The following STON2 variants were observed in gnomAD, a reference collection of about 807,000 sequenced individuals.
STON2 encodes stonin-2.
In STON2, 29 loss-of-function variants were observed where a neutral mutation model predicts 65.7. The ratio of observed to expected loss-of-function variants is 0.44; its 90% CI spans 0.33 to 0.60. STON2 has a LOEUF of 0.60. Among genes scored for constraint, STON2 ranks in the 20% least tolerant of loss-of-function variants. The pLI, the probability that STON2 is intolerant of heterozygous loss-of-function variation, is 0.03. For synonymous variants in STON2, 404 were observed against 414.2 expected, an observed-to-expected ratio of 0.98 and a Z score of 0.30; for missense variants, 1,054 against 1,118.1, an observed-to-expected ratio of 0.94 and a Z score of 0.82.
chr14:81,325,275 T>C (rs1269817549), intron 4 of STON2, among the ~76,000 whole-genome samples: 2 of 152,328 alleles, frequency 1.3e-5, no homozygotes, highest in East Asian at 1.9e-4. Context: ...GAAAATGTAC[T>C]ATATAGGTTT....
intron 4 of STON2, among the ~76,000 whole-genome samples, chr14:81,369,177 G>C (rs532392127): frequency 6.6e-6 from 1 of 152,184 alleles, no homozygotes; most frequent in Admixed American, 6.5e-5. Flanking sequence ...TTCTCTGTAG[G>C]TGGTCCCTTC....
rs746087048 is a variant in STON2, at chr14:81,277,099, A to T, written c.2383T>A (p.Trp795Arg). 6.2e-7 allele frequency: 1 copy of T among 1,613,952 alleles called. No homozygotes were observed. ...VMIRYPVPSEWVKNFRRESVL... is the reference protein window; with the variant it reads ...VMIRYPVPSERVKNFRRESVL... ...CTTTCCCTGCGGAAGTTTTTCACCC[A>T]CTCACTGGGCACAGGGTAACGGATC... Residue 795 changes from tryptophan to arginine, a missense_variant, in exon 6 of 8, where the codon TGG becomes AGG. Physicochemically the swap from Trp to Arg is moderately radical, Grantham distance 101. Coordinates refer to ENST00000614646, the MANE Select transcript of STON2 (RefSeq NM_001394390.1).
At chr14:81,336,893 G>A (rs1239916987) in intron 4 of STON2, among the ~76,000 whole-genome samples, 15 of 152,174 alleles carry the variant, frequency 9.9e-5, no homozygotes. Context: ...TCAGCAGGAG[G>A]AGGGATGAGG....
upstream of STON2, among the ~76,000 whole-genome samples, chr14:81,401,085 G>C (rs1391863044): frequency 6.6e-6 from 1 of 152,196 alleles, no homozygotes; most frequent in Admixed American, 6.5e-5. Flanking sequence ...TGCGTAACTT[G>C]TTCGTAGAAG....
intron 4 of STON2, among the ~76,000 whole-genome samples, chr14:81,354,485 C>T (rs1214646611): frequency 6.6e-6 from 1 of 152,100 alleles, no homozygotes; most frequent in Non-Finnish European, 1.5e-5. Context: ...ATCATGACAC[C>T]TCCAAAAGAA....
chr14:81,424,753 A>G (rs1901883827), intron 2 of STON2, among the ~76,000 whole-genome samples: 1 of 152,180 alleles, frequency 6.6e-6, no homozygotes, highest in South Asian at 2.1e-4. Flanking sequence ...GTTTTTTCCA[A>G]GTTGATAGAA....
intron 1 of STON2, among the ~76,000 whole-genome samples, chr14:81,432,492 T>G (rs921330130): frequency 1.3e-5 from 2 of 152,162 alleles, no homozygotes; most frequent in Admixed American, 1.3e-4. Flanking sequence ...TCTGACTATA[T>G]GAAAATTCAG....
rs201851526 is a variant in STON2 at position 81,329,471 on chromosome 14, A to G, written c.572-5284T>C. On this transcript the variant is annotated intron_variant, in intron 4 of 7. Transcript: ENST00000614646. ...CTCTGTCTCAAAAAAAAAAAAAAAA[A>G]AGAGAGAGACAAAGATACAGGGGAA... Among the ~76,000 whole-genome samples the G allele has an allele frequency of 6.7e-4, 98 of 146,278 alleles. 1 individual carries two copies. Among genetic ancestry groups the G allele is most frequent in the East Asian group, 4.5e-3 (23 of 5,098 alleles).
At position 81,413,122 on chromosome 14, in the gene STON2, T is replaced by C. The variant is rs1240216814; in HGVS notation, c.-199+13980A>G. The C allele has an allele frequency of 7.2e-6, 9 of 1,254,918 alleles. 3 individuals carry two copies. In the African/African-American group the frequency reaches 1.6e-4, roughly 23 times the overall value. The allele number at this position is 1,254,918 out of a possible 1,614,324, so 77.7% of individuals were successfully genotyped here. ...AGAAGGAATGTGACAAGAAGTACAA[T>C]CCCACCTGACACTGCATCGTGGGGA... On this transcript the variant is annotated intron_variant, in intron 2 of 8. Coordinates refer to the STON2 transcript ENST00000553821.
intron 2 of STON2, among the ~76,000 whole-genome samples, chr14:81,411,079 T>C (rs919880999): frequency 2.6e-5 from 4 of 152,194 alleles, no homozygotes; most frequent in African/African-American, 9.6e-5. Flanking sequence ...TTCAGAGACA[T>C]GGGGCAAGGC....
intron 3 of STON2, 90 bp from the exon 4 acceptor site, chr14:81,371,275 A>T: frequency 1.7e-6 from 2 of 1,190,916 alleles, no homozygotes; most frequent in South Asian, 1.4e-5. Context: ...TGTTGCTCAC[A>T]TCATATGAAA....
At position 81,363,626 on chromosome 14, in the gene STON2, C is replaced by A. The variant is rs1186274647; in HGVS notation, c.571+7362G>T. 6.8e-5 allele frequency among the ~76,000 whole-genome samples: 10 copies of A among 147,372 alleles called. No homozygotes were observed. The East Asian group carries it at 7.8e-4, about 12-fold the overall frequency. ...AGAGTGAAAAGATGTGATTTGTTTTCAAAAAAAAAACTGCTCTGCTATTCT... is the reference window on the plus strand; with the variant it reads ...AGAGTGAAAAGATGTGATTTGTTTTAAAAAAAAAAACTGCTCTGCTATTCT... On this transcript the variant is annotated intron_variant, in intron 4 of 7. Transcript: ENST00000614646.
chr14:81,400,392 G>A (rs572189485), upstream of STON2, among the ~76,000 whole-genome samples: 59 of 147,476 alleles, frequency 4.0e-4, no homozygotes, highest in African/African-American at 1.3e-3. Context: ...TAATGGCTGC[G>A]GGCCAAGATA....
rs866219347 is a variant in STON2, at chr14:81,265,369, T to C, written c.*3045A>G. 2.4e-5 allele frequency: 24 copies of C among 983,564 alleles called. No homozygotes were observed. The highest frequency in any genetic ancestry group is 1.0e-3 in the Middle Eastern group (2 of 1,930). 60.9% of individuals were successfully genotyped at this position (983,564 alleles called of 1,614,324 possible). On this transcript the variant is annotated 3_prime_UTR_variant, in exon 8 of 8. Coordinates refer to ENST00000614646, the MANE Select transcript of STON2 (RefSeq NM_001394390.1). ...AGGTTTTTAAAAATTAATAATAATT[T>C]GTGGGTCCAGCATGGTGGCTCACGC...
intron 3 of STON2, among the ~76,000 whole-genome samples, chr14:81,376,138 A>G (rs936779744): frequency 4.0e-5 from 6 of 151,874 alleles, no homozygotes; most frequent in Admixed American, 3.9e-4. Flanking sequence ...TTAAGATACA[A>G]AAGTAGAGCA....
At chr14:81,380,513 A>G (rs72703743) in intron 3 of STON2, among the ~76,000 whole-genome samples, 4,164 of 152,188 alleles carry the variant, frequency 0.027, 86 homozygotes, top group African/African-American at 0.052. Flanking sequence ...GAATAACAAC[A>G]CATGCACACA....
chr14:81,376,805 A>G (rs1899272814), intron 3 of STON2, among the ~76,000 whole-genome samples: 2 of 152,172 alleles, frequency 1.3e-5, no homozygotes, highest in African/African-American at 4.8e-5. Context: ...TAATGACTAA[A>G]TTGAGTTATC....
intron 2 of STON2, among the ~76,000 whole-genome samples, chr14:81,418,630 T>G (rs2139887276): frequency 6.6e-6 from 1 of 152,362 alleles, no homozygotes; most frequent in African/African-American, 2.4e-5. Flanking sequence ...AGTACTTTTC[T>G]GTTTACCTGG....
At chr14:81,288,269 G>A (rs959777308) in intron 5 of STON2, among the ~76,000 whole-genome samples, 1 of 152,114 alleles carries the variant, frequency 6.6e-6, no homozygotes, top group African/African-American at 2.4e-5. Context: ...TGTATCCTGA[G>A]AAATGCATCA....
Sources: allele counts gnomAD v4.1 joint callset (sites outside exome capture counted in the v4.1 genomes callset), GRCh38; gene constraint gnomAD v4.1.1; transcripts MANE v1.5; gene names NCBI Gene and HGNC (gene_info 2026-07-23, HGNC 2026-07-21).